The following BCL9L variants were observed in gnomAD, a reference collection of about 807,000 sequenced individuals.
The protein encoded by BCL9L is BCL9 like.
Under a neutral mutation model 99.4 loss-of-function variants are expected in BCL9L, and 19 were observed. The ratio of observed to expected loss-of-function variants is 0.19; its 90% confidence interval spans 0.13 to 0.28. The LOEUF (loss-of-function observed/expected upper bound fraction) is 0.28, where lower values mean the gene tolerates loss of function less well. Among genes scored for constraint, BCL9L ranks in the 10% least tolerant of loss-of-function variants. The pLI, the probability that BCL9L is intolerant of heterozygous loss-of-function variation, is 1.00. For synonymous variants in BCL9L, 900 were observed against 854.8 expected (o/e 1.05, Z -0.92); for missense variants, 2,023 against 2,101.6 (o/e 0.96, Z 0.73).
chr11:118,898,778 G>T lies in BCL9L; in HGVS notation c.4137C>A (p.Gly1379=). The part of the protein sequence containing the change: ...QTPSRPPNLP[G]QQGVQRGLNM... ...TGAGCCCCCGCTGGACGCCCTGCTGGCCTGGGAGGTTGGGAGGCCGAGAGG... is the reference window on the plus strand; with the variant it reads ...TGAGCCCCCGCTGGACGCCCTGCTGTCCTGGGAGGTTGGGAGGCCGAGAGG... Residue 1379 remains glycine, a synonymous_variant, in exon 10 of 10, where the codon GGC becomes GGA. Coordinates refer to ENST00000683865, the MANE Select transcript of BCL9L (RefSeq NM_001378213.1). 6.2e-7 allele frequency: 1 copy of T among 1,613,930 alleles called. No individual in the cohort carries two copies. The highest frequency in any genetic ancestry group is 8.5e-7 in the Non-Finnish European group (1 of 1,180,006).
At position 118,901,864 on chromosome 11, in the gene BCL9L, TCATGGGCACCTC is replaced by T. The variant is rs1940258241; in HGVS notation, c.1867_1878del (p.Glu623_Met626del). 2 of 1,610,940 alleles carry T rather than the reference TCATGGGCACCTC, an allele frequency of 1.2e-6. No homozygotes were observed. The highest frequency in any genetic ancestry group is 2.7e-5 in the African/African-American group (2 of 74,868). On this transcript the variant is annotated inframe_deletion, in exon 8 of 10. Transcript: ENST00000683865. This position sits in a 1 kb window ranked among gnomAD's most constrained non-coding sequence, Gnocchi z 6.6. ...GGTCTCACGGGCCTCTGCATGGCATTCATGGGCACCTCCATGGGCATACTCTGCATGCCCCCA... is the reference window on the plus strand; with the variant it reads ...GGTCTCACGGGCCTCTGCATGGCATTCATGGGCATACTCTGCATGCCCCCA...
chr11:118,905,323 T>A (rs1212781662), intron 5 of BCL9L, among the ~76,000 whole-genome samples: 5 of 151,660 alleles, frequency 3.3e-5, no homozygotes, highest in African/African-American at 1.2e-4. Context: ...AGCCTGGCCA[T>A]AATGGTGAAA....
At chr11:118,919,091 CA>C (rs1227409214) in intron 1 of BCL9L, among the ~76,000 whole-genome samples, 1 of 41,722 alleles carries the variant, frequency 2.4e-5, no homozygotes, top group African/African-American at 9.2e-5. Flanking sequence ...AGCCTGACCC[CA>C]GCTGCACCGC....
chr11:118,902,694 C>G lies in BCL9L; in HGVS notation c.1049G>C (p.Gly350Ala). 6.3e-7 allele frequency: 1 copy of G among 1,599,026 alleles called. No individual in the cohort carries two copies. The highest frequency in any genetic ancestry group is 8.5e-7 in the Non-Finnish European group (1 of 1,179,644). ...GAASTGGGTGGTHPNTPTATT... is the reference protein window; with the variant it reads ...GAASTGGGTGATHPNTPTATT... ...AGCCGTCGGGGTGTTAGGGTGGGTG[C>G]CCCCAGTCCCACCACCTGTGCTGGC... Residue 350 changes from glycine to alanine, a missense_variant, in exon 8 of 10, where the codon GGC becomes GCC. This residue lies in a region of BCL9L where 1,116 missense variants were observed against 1,194.6 expected (regional missense o/e 0.93). Coordinates refer to ENST00000683865, the MANE Select transcript of BCL9L (RefSeq NM_001378213.1). The surrounding 1 kb of genome is among the most constrained non-coding windows in gnomAD (Gnocchi z 7.8).
rs749018569 is a variant in BCL9L at position 118,922,595 on chromosome 11, C to T, written c.-131+2643G>A. 2.0e-5 allele frequency among the ~76,000 whole-genome samples: 3 copies of T among 152,238 alleles called. No individual in the cohort carries two copies. Among genetic ancestry groups the T allele is most frequent in the South Asian group, 2.1e-4 (1 of 4,832 alleles). On this transcript the variant is annotated intron_variant, in intron 1 of 9. Coordinates refer to ENST00000683865, the MANE Select transcript of BCL9L (RefSeq NM_001378213.1). The surrounding 1 kb of genome is among the most constrained non-coding windows in gnomAD (Gnocchi z 6.2). Reference sequence around the variant, plus strand: ...ACAGCCGGCCCCACCCCAGGGAGAGCGGGCCTGGCAGAGGCTCCCTGCCCG... The same window carrying T: ...ACAGCCGGCCCCACCCCAGGGAGAGTGGGCCTGGCAGAGGCTCCCTGCCCG...
chr11:118,907,805 C>T (rs1940590062), intron 4 of BCL9L, among the ~76,000 whole-genome samples: 1 of 152,228 alleles, frequency 6.6e-6, no homozygotes, highest in Non-Finnish European at 1.5e-5. Context: ...TGCCTGTCTC[C>T]CCTCCCCCCC....
Position 118,899,495 on chromosome 11 carries a change from G to GC in BCL9L, c.3419dup (p.Ser1140ArgfsTer30). 1 of 1,608,650 alleles carries GC rather than the reference G, an allele frequency of 6.2e-7. No homozygotes were observed. The highest frequency in any genetic ancestry group is 1.3e-5 in the African/African-American group (1 of 74,984). On this transcript the variant is annotated frameshift_variant, in exon 10 of 10. Transcript: ENST00000683865. LOFTEE classifies it high-confidence loss of function. ...AGTTCAGGTGCATCTGGCTGGGCTG[G>GC]CTGTTGCTGATCCCTGTAGGGAATA...
chr11:118,902,881 G>T lies in BCL9L; in HGVS notation c.862C>A (p.Pro288Thr). 6.4e-7 allele frequency: 1 copy of T among 1,563,774 alleles called. No individual in the cohort carries two copies. The highest frequency in any genetic ancestry group is 8.6e-7 in the Non-Finnish European group (1 of 1,160,268). Reference protein sequence around the residue: ...QAPKVPPTPEPLPLSTPSAGT... With the variant: ...QAPKVPPTPETLPLSTPSAGT... Reference sequence around the variant, plus strand: ...GCTGACGGCGTGCTCAGGGGTAGCGGTTCTGGGGTGGGGGGCACTTTAGGG... The same window carrying T: ...GCTGACGGCGTGCTCAGGGGTAGCGTTTCTGGGGTGGGGGGCACTTTAGGG... The change falls in exon 8 of 10, where the codon CCG becomes ACG. Residue 288 changes from proline (P) to threonine (T), a missense_variant. By Grantham distance (38) the Pro-to-Thr change is conservative. Coordinates refer to ENST00000683865, the MANE Select transcript of BCL9L (RefSeq NM_001378213.1). The surrounding 1 kb of genome is among the most constrained non-coding windows in gnomAD (Gnocchi z 7.8).
At chr11:118,924,109 C>T (rs1941220070) in intron 1 of BCL9L, among the ~76,000 whole-genome samples, 1 of 152,086 alleles carries the variant, frequency 6.6e-6, no homozygotes, top group Non-Finnish European at 1.5e-5. Context: ...AGTGGAAGCC[C>T]ACTCACTGTG....
At position 118,898,418 on chromosome 11, in the gene BCL9L, G is replaced by C; in HGVS notation, c.4497C>G (p.Phe1499Leu). The change falls in exon 10 of 10, where the codon TTC becomes TTG. Residue 1499 changes from phenylalanine to leucine, a missense_variant. By Grantham distance (22) the Phe-to-Leu change is conservative. Coordinates refer to ENST00000683865, the MANE Select transcript of BCL9L (RefSeq NM_001378213.1). The part of the protein sequence containing the change: ...PAPGGMANLP[F>L] ...GCTCCAGCCCTGGCAGCGACTTCTA[G>C]AAGGGCAGGTTGGCCATGCCGCCTG... is the stretch of plus-strand genomic sequence containing the variant. 1 of 1,600,996 alleles carries C rather than the reference G, an allele frequency of 6.2e-7. No homozygotes were observed.
chr11:118,899,860 C>T lies in BCL9L; in HGVS notation c.3406+57G>A, dbSNP rs1007004352. 6.4e-6 allele frequency: 10 copies of T among 1,558,314 alleles called. No homozygotes were observed. In the African/African-American group the frequency reaches 1.2e-4, roughly 19 times the overall value. ...AGCCAGCACAACCACAGCTGTGCTC[C>T]CCGCTCCCAGTGCCCACACCAGCTG... On this transcript the variant is annotated intron_variant, in intron 9 of 9. Coordinates refer to ENST00000683865, the MANE Select transcript of BCL9L (RefSeq NM_001378213.1).
In BCL9L at chr11:118,897,507, C is replaced by T; in HGVS notation, c.*908G>A. ...ATGTTCTCCCTGAATCACTCAGCAG[C>T]AGACAGGCTGCCGCCCTGGGGGTCT... On this transcript the variant is annotated 3_prime_UTR_variant, in exon 10 of 10. Coordinates refer to ENST00000683865, the MANE Select transcript of BCL9L (RefSeq NM_001378213.1). The T allele has an allele frequency of 6.0e-6, 2 of 334,562 alleles. No homozygotes were observed. The highest frequency in any genetic ancestry group is 4.6e-5 in the South Asian group (2 of 43,802). 20.7% of individuals were successfully genotyped at this position (334,562 alleles called of 1,614,324 possible). A position where few individuals can be genotyped will look rare whatever the true frequency, so the allele number is the denominator to read the frequency against.
At position 118,922,110 on chromosome 11, in the gene BCL9L, C is replaced by T. The variant is rs1941158733; in HGVS notation, c.-131+3128G>A. 6.6e-6 allele frequency among the ~76,000 whole-genome samples: 1 copy of T among 152,108 alleles called. No individual in the cohort carries two copies. Among genetic ancestry groups the T allele is most frequent in the Non-Finnish European group, 1.5e-5 (1 of 67,984 alleles). Reference sequence around the variant, plus strand: ...GGCAGCCAGAATGCCCTTACTGCCCCTCCCCCAGCCTCCAGGGAAAGTCAG... The same window carrying T: ...GGCAGCCAGAATGCCCTTACTGCCCTTCCCCCAGCCTCCAGGGAAAGTCAG... On this transcript the variant is annotated intron_variant, in intron 1 of 9. Transcript: ENST00000683865. The surrounding 1 kb of genome is among the most constrained non-coding windows in gnomAD (Gnocchi z 6.2).
At chr11:118,924,879 AC>A (rs1941240717) in intron 1 of BCL9L, among the ~76,000 whole-genome samples, 1 of 152,144 alleles carries the variant, frequency 6.6e-6, no homozygotes, top group Admixed American at 6.5e-5. Context: ...GGGTGCTGAG[AC>A]CCACGGGGTT....
Position 118,898,367 on chromosome 11 carries a change from G to T in BCL9L, c.*48C>A, listed in dbSNP as rs1416024529. ...CATTGAGGGGAAGAACTTTGTTAAGGTTATCGTATTTGCAACATTGCCCCG... is the reference window on the plus strand; with the variant it reads ...CATTGAGGGGAAGAACTTTGTTAAGTTTATCGTATTTGCAACATTGCCCCG... On this transcript the variant is annotated 3_prime_UTR_variant, in exon 10 of 10. Transcript: ENST00000683865. The T allele has an allele frequency of 6.6e-6, 10 of 1,505,580 alleles. No individual in the cohort carries two copies. Among genetic ancestry groups the T allele is most frequent in the Non-Finnish European group, 9.0e-6 (10 of 1,114,964 alleles). The allele number at this position is 1,505,580 out of a possible 1,614,324, so 93.3% of individuals were successfully genotyped here. A position where few individuals can be genotyped will look rare whatever the true frequency, so the allele number is the denominator to read the frequency against.
rs1940079355 is a variant in BCL9L, at chr11:118,899,146, A to T, written c.3769T>A (p.Ser1257Thr). The T allele has an allele frequency of 1.3e-6, 2 of 1,514,204 alleles. No individual in the cohort carries two copies. Among genetic ancestry groups the T allele is most frequent in the South Asian group, 2.6e-5 (2 of 77,338 alleles). 93.8% of individuals were successfully genotyped at this position (1,514,204 alleles called of 1,614,324 possible). A position where few individuals can be genotyped will look rare whatever the true frequency, so the allele number is the denominator to read the frequency against. ...TCCTCGGGAGGCAGGGCCATGCCTG[A>T]CGGGTAGTGCTGCTGCAGGCCAGGC... Reference protein sequence around the residue: ...GGPGLQQHYPSGMALPPEDLP... With the variant: ...GGPGLQQHYPTGMALPPEDLP... The change falls in exon 10 of 10, where the codon TCA (serine) becomes ACA (threonine). Residue 1257 changes from serine (S) to threonine (T), a missense_variant. Coordinates refer to ENST00000683865, the MANE Select transcript of BCL9L (RefSeq NM_001378213.1).
rs1940062221 is a variant in BCL9L, at chr11:118,898,931, C to A, written c.3984G>T (p.Arg1328Ser). The change falls in exon 10 of 10, where the codon AGG (arginine) becomes AGT (serine). Residue 1328 changes from arginine to serine, a missense_variant. Physicochemically the swap from Arg to Ser is moderately radical, Grantham distance 110. Around this residue, in one of 3 missense-constraint regions of BCL9L, gnomAD observed 902 missense variants for 888.2 expected, o/e 1.02. Transcript: ENST00000683865. ...PTGIPEFDLS[R>S]IIPSEKPSST... is the part of the protein sequence containing the mutation. ...TGCTTGGCTTCTCAGAGGGGATGATCCTCGACAAGTCGAACTCGGGGATCC... is the reference window on the plus strand; with the variant it reads ...TGCTTGGCTTCTCAGAGGGGATGATACTCGACAAGTCGAACTCGGGGATCC... 2 of 1,612,694 alleles carry A rather than the reference C, an allele frequency of 1.2e-6. No homozygotes were observed. The highest frequency in any genetic ancestry group is 1.7e-6 in the Non-Finnish European group (2 of 1,179,018).
chr11:118,909,903 C>A lies in BCL9L; in HGVS notation c.26+11G>T. On this transcript the variant is annotated intron_variant, in intron 3 of 9. Transcript: ENST00000683865. Reference sequence around the variant, plus strand: ...CACACACACATCCCACCCGCCACGACACCCACACACCTTGTCTTGTTAGCC... The same window carrying A: ...CACACACACATCCCACCCGCCACGAAACCCACACACCTTGTCTTGTTAGCC... 3.1e-6 allele frequency: 5 copies of A among 1,614,114 alleles called. No individual in the cohort carries two copies. Among genetic ancestry groups the A allele is most frequent in the Non-Finnish European group, 3.4e-6 (4 of 1,179,976 alleles).
At chr11:118,908,687 A>T in intron 3 of BCL9L, 32 bp from the exon 4 acceptor site, 1 of 1,578,966 alleles carries the variant, frequency 6.3e-7, no homozygotes, top group African/African-American at 1.3e-5. Flanking sequence ...GTGAAAAGTT[A>T]ACCTTGCTAG....
Sources: allele counts gnomAD v4.1 joint callset (sites outside exome capture counted in the v4.1 genomes callset), GRCh38; gene constraint gnomAD v4.1.1; regional missense constraint gnomAD v4.1.1; non-coding constraint Gnocchi (gnomAD v3.1); transcripts MANE v1.5; gene names NCBI Gene and HGNC (gene_info 2026-07-23, HGNC 2026-07-21).